The following PARP8 variants were observed in gnomAD, a reference collection of about 807,000 sequenced individuals.
The protein encoded by PARP8 is protein mono-ADP-ribosyltransferase PARP8.
PARP8 carries 51 observed loss-of-function variants against 124.1 expected under a neutral mutation model. The ratio of observed to expected loss-of-function variants is 0.41; its 90% CI spans 0.33 to 0.52. The LOEUF (loss-of-function observed/expected upper bound fraction) is 0.52. Among genes scored for constraint, PARP8 ranks in the 20% least tolerant of loss-of-function variants. The probability of loss-of-function intolerance (pLI) is 0.21; values close to 1 mark genes in which losing one functional copy is unlikely to be tolerated. For synonymous variants in PARP8, 391 were observed against 361.5 expected, an observed-to-expected ratio of 1.08 and a Z score of -0.93; for missense variants, 860 against 1,018.9, an observed-to-expected ratio of 0.84 and a Z score of 2.12.
intron 3 of PARP8, chr5:50,757,064 T>A (rs1377602754): frequency 2.4e-6 from 1 of 422,570 alleles, no homozygotes; most frequent in Non-Finnish European, 4.8e-6. Context: ...CGTTTCTTTA[T>A]GCAACCATCC....
chr5:50,744,138 A>C (rs1466664401), intron 2 of PARP8, among the ~76,000 whole-genome samples: 1 of 151,664 alleles, frequency 6.6e-6, no homozygotes, highest in Non-Finnish European at 1.5e-5. Flanking sequence ...GCATCGAAAA[A>C]CTCTTTTAAG....
At chr5:50,752,599 G>A (rs143233206) in intron 3 of PARP8, among the ~76,000 whole-genome samples, 12 of 151,828 alleles carry the variant, frequency 7.9e-5, no homozygotes, top group East Asian at 7.7e-4. Flanking sequence ...TTGTTCTTCC[G>A]TCCGTTGGTT....
At chr5:50,747,141 G>GTTTTTTTTTTTT (rs201585071) in intron 2 of PARP8, among the ~76,000 whole-genome samples, 1 of 80,906 alleles carries the variant, frequency 1.2e-5, no homozygotes, top group African/African-American at 4.7e-5. Context: ...TTCAGTTATG[G>GTTTTTTTTTTTT]TTTTTTTTGT....
chr5:50,843,323 G>A lies in PARP8; in HGVS notation c.*1255G>A, dbSNP rs1580536461. On this transcript the variant is annotated 3_prime_UTR_variant, in exon 26 of 26. Transcript: ENST00000281631. ...TGAAAGCAGTTTAATTAGTGAGTCT[G>A]CCACTCTATTCAAACCCTGAATCAA... 6.6e-6 allele frequency: 1 copy of A among 151,500 alleles called. No homozygotes were observed. 9.4% of individuals were successfully genotyped at this position (151,500 alleles called of 1,614,324 possible). A position where few individuals can be genotyped will look rare whatever the true frequency, so the allele number is the denominator to read the frequency against.
chr5:50,835,101 C>G (rs1292227183), intron 25 of PARP8, 86 bp downstream of exon 25: 1 of 1,068,408 alleles, frequency 9.4e-7, no homozygotes, highest in Non-Finnish European at 1.4e-6. Flanking sequence ...GTCTCTTTAG[C>G]TGCCAAAATA....
At chr5:50,728,650 T>G (rs1756672661) in intron 2 of PARP8, among the ~76,000 whole-genome samples, 1 of 152,028 alleles carries the variant, frequency 6.6e-6, no homozygotes, top group African/African-American at 2.4e-5. Context: ...TTTCCTTTCC[T>G]TTTTTGAGAC....
rs79205519 is a variant in PARP8 at position 50,816,277 on chromosome 5, G to T, written c.1668+753G>T. 7.5e-3 allele frequency among the ~76,000 whole-genome samples: 1,139 copies of T among 152,214 alleles called. 14 individuals are homozygous for T. The highest frequency in any genetic ancestry group is 0.026 in the African/African-American group (1,070 of 41,522). The stretch of plus-strand genomic sequence containing the variant: ...ACTTACTGAAGCATTATTTAGTAAG[G>T]GAAGTAGAAACAAATGGCCTGTAAC... On this transcript the variant is annotated intron_variant, in intron 15 of 25. Coordinates refer to ENST00000281631, the MANE Select transcript of PARP8 (RefSeq NM_024615.4).
At chr5:50,784,210 G>A (rs1321110466) in intron 9 of PARP8, among the ~76,000 whole-genome samples, 4 of 152,080 alleles carry the variant, frequency 2.6e-5, no homozygotes, top group African/African-American at 9.7e-5. Flanking sequence ...ATAAATAACA[G>A]TTATTTAAAC....
At chr5:50,794,113 T>G in intron 10 of PARP8, 94 bp from the exon 11 acceptor site, 3 of 1,357,334 alleles carry the variant, frequency 2.2e-6, no homozygotes, top group Non-Finnish European at 2.0e-6. Context: ...TGTTTGCATT[T>G]ATTTGATAAA....
chr5:50,800,889 T>A (rs1012519381), intron 14 of PARP8, among the ~76,000 whole-genome samples: 2 of 151,596 alleles, frequency 1.3e-5, no homozygotes, highest in African/African-American at 4.8e-5. Context: ...CCTGAGTAGC[T>A]GGGACTACAG....
chr5:50,703,662 A>G (rs938605823), intron 2 of PARP8, among the ~76,000 whole-genome samples: 1 of 152,182 alleles, frequency 6.6e-6, no homozygotes, highest in Non-Finnish European at 1.5e-5. Context: ...AATAAAACCC[A>G]CTTTCCAGGC....
chr5:50,824,130 T>A (rs1237003048), intron 17 of PARP8, among the ~76,000 whole-genome samples: 1 of 152,230 alleles, frequency 6.6e-6, no homozygotes, highest in Non-Finnish European at 1.5e-5. Context: ...TTAAATACTT[T>A]TTAGAGAAGG....
chr5:50,796,814 T>A (rs777632290), intron 12 of PARP8, among the ~76,000 whole-genome samples, 168 bp from the exon 13 acceptor site: 32 of 152,174 alleles, frequency 2.1e-4, no homozygotes, highest in Non-Finnish European at 3.7e-4. Flanking sequence ...GTATTTATAA[T>A]AGAGTGAATA....
At chr5:50,736,471 A>G (rs3909476) in intron 2 of PARP8, among the ~76,000 whole-genome samples, 6,589 of 152,248 alleles carry the variant, frequency 0.043, 450 homozygotes, top group African/African-American at 0.15. Flanking sequence ...CTGAGTTTAC[A>G]AAGTTAACCT....
rs1275554168 is a variant in PARP8, at chr5:50,815,907, A to C, written c.1668+383A>C. Among the ~76,000 whole-genome samples the C allele has an allele frequency of 1.4e-4, 22 of 152,200 alleles. 1 individual carries two copies. The highest frequency in any genetic ancestry group is 7.3e-5 in the Non-Finnish European group (5 of 68,040). The stretch of plus-strand genomic sequence containing the variant: ...ACTTAGGTGAAAAGATAATAGGCAG[A>C]GTATGTAATAAAAAGAGAACATTCA... On this transcript the variant is annotated intron_variant, in intron 15 of 25. Coordinates refer to ENST00000281631, the MANE Select transcript of PARP8 (RefSeq NM_024615.4).
At chr5:50,739,060 C>A (rs1170895177) in intron 2 of PARP8, 11 of 702,414 alleles carry the variant, frequency 1.6e-5, no homozygotes, top group Non-Finnish European at 2.9e-5. Context: ...TCATTCACAT[C>A]TAGGAGGAGC....
rs79339701 is a variant in PARP8, at chr5:50,721,082, GT to G, written c.147-29055del. On this transcript the variant is annotated intron_variant, in intron 2 of 25. Transcript: ENST00000281631. ...ATCTAATGATCCAATTAAAATAATTGTTTTTTTTTTTTTTACCTTCCTTAGG... is the reference window on the plus strand; with the variant it reads ...ATCTAATGATCCAATTAAAATAATTGTTTTTTTTTTTTTACCTTCCTTAGG... 9.8e-3 allele frequency among the ~76,000 whole-genome samples: 1,336 copies of G among 136,788 alleles called. 10 individuals carry two copies. Among genetic ancestry groups the G allele is most frequent in the Admixed American group, 0.014 (184 of 13,612 alleles). The allele number at this position is 136,788 out of a possible 152,430, so 89.7% of individuals were successfully genotyped here.
chr5:50,688,626 T>C (rs1284805080), intron 2 of PARP8, among the ~76,000 whole-genome samples: 1 of 152,204 alleles, frequency 6.6e-6, no homozygotes, highest in Non-Finnish European at 1.5e-5. Flanking sequence ...TATATACTAA[T>C]TTGATAGAAA....
At chr5:50,727,946 A>G (rs1261457044) in intron 2 of PARP8, among the ~76,000 whole-genome samples, 1 of 152,148 alleles carries the variant, frequency 6.6e-6, no homozygotes, top group East Asian at 1.9e-4. Context: ...GAAACTTCTG[A>G]ATTCAAGGCC....
Sources: allele counts gnomAD v4.1 joint callset (sites outside exome capture counted in the v4.1 genomes callset), GRCh38; gene constraint gnomAD v4.1.1; transcripts MANE v1.5; gene names NCBI Gene and HGNC (gene_info 2026-07-23, HGNC 2026-07-21).